PRKD1: variants seen among roughly 807,000 people sequenced by gnomAD.
The protein encoded by PRKD1 is protein kinase D1.
In PRKD1, 63 loss-of-function variants were observed where a neutral mutation model predicts 95.9. The observed-to-expected ratio is 0.66, with a 90% CI of 0.54 to 0.81. The LOEUF (loss-of-function observed/expected upper bound fraction) is 0.81. PRKD1 is among the 30% of genes least tolerant of loss of function. The probability of loss-of-function intolerance (pLI) is 0.00; values close to 1 mark genes in which losing one functional copy is unlikely to be tolerated. For synonymous variants in PRKD1, 425 were observed against 423.1 expected (o/e 1.00, Z -0.05); for missense variants, 1,048 against 1,165.3 (o/e 0.90, Z 1.47).
chr14:29,624,104 G>T, intron 13 of PRKD1, 48 bp downstream of exon 13: 1 of 1,348,622 alleles, frequency 7.4e-7, no homozygotes, highest in Non-Finnish European at 1.0e-6. Flanking sequence ...AGAAGTAAAG[G>T]ATGAGGGATT....
At chr14:29,764,542 T>C (rs890855106) in intron 1 of PRKD1, among the ~76,000 whole-genome samples, 2 of 152,130 alleles carry the variant, frequency 1.3e-5, no homozygotes, top group Non-Finnish European at 2.9e-5. Flanking sequence ...TGCAGCAGTT[T>C]GATGTCTGGT....
intron 1 of PRKD1, among the ~76,000 whole-genome samples, chr14:29,868,924 C>T (rs1347800377): frequency 4.6e-5 from 7 of 152,072 alleles, no homozygotes; most frequent in Admixed American, 4.6e-4. Flanking sequence ...ATTTATATCT[C>T]TAGTAAAATG....
At chr14:29,599,555 G>T (rs2139013768) in intron 14 of PRKD1, 101 bp downstream of exon 14, 1 of 1,100,912 alleles carries the variant, frequency 9.1e-7, no homozygotes, top group East Asian at 2.4e-5. Flanking sequence ...AGTTTAGACT[G>T]GAGGTAGGGA....
At chr14:29,750,667 A>T (rs1301443364) in intron 1 of PRKD1, among the ~76,000 whole-genome samples, 1 of 151,822 alleles carries the variant, frequency 6.6e-6, no homozygotes, top group East Asian at 1.9e-4. Context: ...GGCCATGTAG[A>T]CATGCTAATT....
chr14:29,894,203 G>A (rs1184775219), intron 1 of PRKD1, among the ~76,000 whole-genome samples: 1 of 152,194 alleles, frequency 6.6e-6, no homozygotes, highest in African/African-American at 2.4e-5. Context: ...AATAATGAGA[G>A]TATACACCAA....
intron 1 of PRKD1, among the ~76,000 whole-genome samples, chr14:29,910,852 C>A (rs968341859): frequency 5.9e-5 from 9 of 152,060 alleles, no homozygotes; most frequent in Non-Finnish European, 1.3e-4. Flanking sequence ...AGCTAAAAGC[C>A]TTGGTGTTTG....
intron 1 of PRKD1, among the ~76,000 whole-genome samples, chr14:29,769,963 T>C (rs1363298546): frequency 6.6e-6 from 1 of 152,150 alleles, no homozygotes; most frequent in Non-Finnish European, 1.5e-5. Flanking sequence ...AAGTGGAACC[T>C]TGAGGAGGTG....
At chr14:29,672,692 G>T (rs949277636) in intron 2 of PRKD1, among the ~76,000 whole-genome samples, 2 of 151,986 alleles carry the variant, frequency 1.3e-5, no homozygotes, top group African/African-American at 4.8e-5. Flanking sequence ...AGTTACAGTA[G>T]ATTTATTTAT....
intron 1 of PRKD1, among the ~76,000 whole-genome samples, chr14:29,793,450 C>T (rs1889652653): frequency 6.6e-6 from 1 of 152,050 alleles, no homozygotes; most frequent in South Asian, 2.1e-4. Flanking sequence ...TTGATTTGTT[C>T]TAAGATACTG....
At chr14:29,614,267 A>G (rs1276010059) in intron 13 of PRKD1, among the ~76,000 whole-genome samples, 1 of 152,208 alleles carries the variant, frequency 6.6e-6, no homozygotes, top group Non-Finnish European at 1.5e-5. Context: ...ATTCTTTTGC[A>G]ACTTACTTTC....
rs1879248439 is a variant in PRKD1, at chr14:29,621,332, T to G, written c.1905+2820A>C. ...CATTATGCACGTGTACCCTAAAACT[T>G]AAAGTATAATAATAATAATAATAAA... On this transcript the variant is annotated intron_variant, in intron 13 of 17. Transcript: ENST00000331968. Among the ~76,000 whole-genome samples the G allele has an allele frequency of 7.2e-5, 11 of 151,986 alleles. No individual in the cohort carries two copies. In the South Asian group the frequency reaches 2.3e-3, roughly 32 times the overall value.
intron 1 of PRKD1, among the ~76,000 whole-genome samples, chr14:29,831,545 C>T (rs532793409): frequency 3.3e-5 from 5 of 151,294 alleles, no homozygotes; most frequent in Non-Finnish European, 7.4e-5. Context: ...CTCGGTTCAC[C>T]GCAACCTCCA....
Position 29,826,822 on chromosome 14 carries a change from T to C in PRKD1, c.264+100427A>G, listed in dbSNP as rs1279776762. ...ATATACACATATATATACACATATA[T>C]ATATATATATATATATACACACATA... On this transcript the variant is annotated intron_variant, in intron 1 of 17. Coordinates refer to ENST00000331968, the MANE Select transcript of PRKD1 (RefSeq NM_002742.3). 3.4e-4 allele frequency among the ~76,000 whole-genome samples: 10 copies of C among 29,476 alleles called. 2 individuals are homozygous for C. Among genetic ancestry groups the C allele is most frequent in the African/African-American group, 6.8e-4 (5 of 7,394 alleles). The allele number at this position is 29,476 out of a possible 152,430, so 19.3% of individuals were successfully genotyped here.
At chr14:29,593,092 A>G (rs1893185993) in intron 16 of PRKD1, among the ~76,000 whole-genome samples, 1 of 152,160 alleles carries the variant, frequency 6.6e-6, no homozygotes, top group South Asian at 2.1e-4. Context: ...AAACAATAAT[A>G]AAACAATCCT....
intron 16 of PRKD1, among the ~76,000 whole-genome samples, chr14:29,590,323 C>T (rs1893083741): frequency 6.6e-6 from 1 of 152,124 alleles, no homozygotes; most frequent in Admixed American, 6.5e-5. Flanking sequence ...CACTGGCCAC[C>T]TTTGTAATTT....
intron 1 of PRKD1, among the ~76,000 whole-genome samples, chr14:29,886,103 G>A (rs1394103482): frequency 1.3e-5 from 2 of 152,202 alleles, no homozygotes; most frequent in Non-Finnish European, 2.9e-5. Context: ...TACGTGTCCA[G>A]GAGGAACTTT....
chr14:29,673,031 G>A (rs1463226752), intron 2 of PRKD1, among the ~76,000 whole-genome samples: 1 of 152,178 alleles, frequency 6.6e-6, no homozygotes, highest in African/African-American at 2.4e-5. Context: ...CAGTTAACAC[G>A]TGAAGGATCC....
intron 1 of PRKD1, among the ~76,000 whole-genome samples, chr14:29,734,114 C>T (rs1886601064): frequency 7.3e-6 from 1 of 137,798 alleles, no homozygotes; most frequent in Non-Finnish European, 1.5e-5. Flanking sequence ...GCGATCTTGG[C>T]TCACTGCAAC....
Position 29,656,610 on chromosome 14 carries a change from G to C in PRKD1, c.696+7089C>G, listed in dbSNP as rs985411746. On this transcript the variant is annotated intron_variant, in intron 4 of 17. Coordinates refer to ENST00000331968, the MANE Select transcript of PRKD1 (RefSeq NM_002742.3). ...GAAGCAAAGCACATTACTCAATAATGTTTCATATAGGCATGCTTTCAAAAA... is the reference window on the plus strand; with the variant it reads ...GAAGCAAAGCACATTACTCAATAATCTTTCATATAGGCATGCTTTCAAAAA... 4.9e-6 allele frequency: 6 copies of C among 1,227,952 alleles called. No homozygotes were observed. The Admixed American group carries it at 6.2e-5, about 13-fold the overall frequency. 76.1% of individuals were successfully genotyped at this position (1,227,952 alleles called of 1,614,324 possible).
Sources: allele counts gnomAD v4.1 joint callset (sites outside exome capture counted in the v4.1 genomes callset), GRCh38; gene constraint gnomAD v4.1.1; transcripts MANE v1.5; gene names NCBI Gene and HGNC (gene_info 2026-07-23, HGNC 2026-07-21).